Variants in DLG2 observed in about 807,000 individuals in gnomAD.
The protein encoded by DLG2 is disks large homolog 2.
A neutral mutation model predicts 132.5 loss-of-function variants in DLG2; 45 were observed. The observed-to-expected ratio is 0.34, with a 90% CI of 0.27 to 0.44. The LOEUF is 0.44. DLG2 is among the 20% of genes least tolerant of loss of function. The pLI is 1.00. For synonymous variants in DLG2, 424 were observed against 419.6 expected, an observed-to-expected ratio of 1.01 and a Z score of -0.13; for missense variants, 1,045 against 1,196.9, an observed-to-expected ratio of 0.87 and a Z score of 1.87.
chr11:85,489,900 A>G (rs1288431335), intron 3 of DLG2, among the ~76,000 whole-genome samples: 5 of 152,142 alleles, frequency 3.3e-5, no homozygotes, highest in Non-Finnish European at 5.9e-5. Flanking sequence ...ATGAGTAAAT[A>G]AAAATAAAAA....
rs1451048209 is a variant in DLG2 at position 83,823,967 on chromosome 11, A to G, written c.1722+9647T>C. ...ATTCAATTCTTTGGTGAAGGCCTGC[A>G]TCGCAGAAAGAGCATAGCTTTGAAA... is the stretch of plus-strand genomic sequence containing the variant. On this transcript the variant is annotated intron_variant, in intron 17 of 27. Coordinates refer to ENST00000376104, the MANE Select transcript of DLG2 (RefSeq NM_001142699.3). 3.3e-5 allele frequency among the ~76,000 whole-genome samples: 5 copies of G among 152,320 alleles called. No homozygotes were observed. In the East Asian group the frequency reaches 9.6e-4, roughly 29 times the overall value.
intron 8 of DLG2, among the ~76,000 whole-genome samples, chr11:84,203,705 T>G (rs2096628142): frequency 6.6e-6 from 1 of 151,914 alleles, no homozygotes; most frequent in Non-Finnish European, 1.5e-5. Flanking sequence ...ATATTCTCAC[T>G]TATAAGTGGG....
chr11:85,141,285 A>T (rs1451501070), intron 5 of DLG2, among the ~76,000 whole-genome samples: 1 of 151,728 alleles, frequency 6.6e-6, no homozygotes, highest in Non-Finnish European at 1.5e-5. Flanking sequence ...ATGATACCCC[A>T]CTGTTGTTTT....
intron 6 of DLG2, among the ~76,000 whole-genome samples, chr11:84,841,313 T>G (rs1389018719): frequency 6.6e-6 from 1 of 151,934 alleles, no homozygotes; most frequent in Non-Finnish European, 1.5e-5. Context: ...GAAAGTTGGG[T>G]TGTGAAAGAA....
chr11:84,634,379 C>G (rs1015835057), intron 6 of DLG2, among the ~76,000 whole-genome samples: 2 of 152,168 alleles, frequency 1.3e-5, no homozygotes, highest in Non-Finnish European at 2.9e-5. Flanking sequence ...TAAGTTCATG[C>G]TAAAGATTTC....
At chr11:84,369,111 A>G (rs912656284) in intron 7 of DLG2, among the ~76,000 whole-genome samples, 4 of 152,158 alleles carry the variant, frequency 2.6e-5, no homozygotes, top group African/African-American at 9.6e-5. Context: ...ACATTTTTAT[A>G]CTGCAATATG....
At chr11:84,789,187 C>T (rs560061646) in intron 6 of DLG2, among the ~76,000 whole-genome samples, 8 of 152,246 alleles carry the variant, frequency 5.3e-5, no homozygotes, top group African/African-American at 1.4e-4. Context: ...CATGTTCTGC[C>T]ACTCACTGCC....
intron 6 of DLG2, among the ~76,000 whole-genome samples, chr11:84,661,986 G>A (rs1230382662): frequency 1.3e-5 from 2 of 151,960 alleles, no homozygotes; most frequent in South Asian, 2.1e-4. Context: ...CCCCATGCAT[G>A]TTTTAGCTTT....
chr11:84,132,077 C>A (rs1251679491), intron 9 of DLG2, among the ~76,000 whole-genome samples: 1 of 151,848 alleles, frequency 6.6e-6, no homozygotes, highest in East Asian at 1.9e-4. Flanking sequence ...TGATGTCTCA[C>A]ATGAAGCTTT....
intron 3 of DLG2, among the ~76,000 whole-genome samples, chr11:85,467,007 C>T (rs2092813482): frequency 6.6e-6 from 1 of 152,118 alleles, no homozygotes; most frequent in African/African-American, 2.4e-5. Context: ...TTGTAGTTCT[C>T]CTTGAAGAGG....
intron 8 of DLG2, among the ~76,000 whole-genome samples, chr11:84,193,989 T>C (rs2096464487): frequency 6.6e-6 from 1 of 152,172 alleles, no homozygotes; most frequent in African/African-American, 2.4e-5. Context: ...GCTGAGTGGA[T>C]TAATGGCCAA....
chr11:84,802,225 T>C (rs565420271), intron 6 of DLG2, among the ~76,000 whole-genome samples: 3 of 152,098 alleles, frequency 2.0e-5, no homozygotes, highest in East Asian at 1.9e-4. Flanking sequence ...TCTGTGTCCA[T>C]AGGGTCCTCA....
At chr11:85,127,721 A>C (rs180852571) in intron 5 of DLG2, among the ~76,000 whole-genome samples, 40 of 152,338 alleles carry the variant, frequency 2.6e-4, no homozygotes, top group Non-Finnish European at 2.9e-5. Context: ...ACCACTCAGG[A>C]AACCATTTGT....
intron 26 of DLG2, among the ~76,000 whole-genome samples, chr11:83,463,277 T>C (rs1035053424): frequency 7.2e-5 from 11 of 152,140 alleles, no homozygotes; most frequent in African/African-American, 2.4e-4. Context: ...AACAATATAT[T>C]GACATTAGAC....
chr11:83,460,746 C>T (rs1018066836), intron 27 of DLG2, among the ~76,000 whole-genome samples: 7 of 152,080 alleles, frequency 4.6e-5, no homozygotes, highest in African/African-American at 7.2e-5. Flanking sequence ...AAAAACAATC[C>T]TCAGAATATA....
intron 15 of DLG2, among the ~76,000 whole-genome samples, chr11:83,910,668 T>A (rs529929358): frequency 1.3e-5 from 2 of 152,112 alleles, no homozygotes; most frequent in Non-Finnish European, 2.9e-5. Context: ...TCCAAGAATA[T>A]GTACAATTAT....
intron 9 of DLG2, among the ~76,000 whole-genome samples, chr11:84,108,583 A>C (rs559953811): frequency 6.6e-6 from 1 of 152,240 alleles, no homozygotes; most frequent in South Asian, 2.1e-4. Flanking sequence ...TCAAGAAACT[A>C]AATTGAGACC....
Position 83,651,054 on chromosome 11 carries a change from C to T in DLG2, c.1826-17729G>A, listed in dbSNP as rs185217021. On this transcript the variant is annotated intron_variant, in intron 18 of 27. Transcript: ENST00000376104. ...TATATATTCATTTTTGCATTTATGA[C>T]ATATCTTTTATGTTTATTATACCTG... Among the ~76,000 whole-genome samples the T allele has an allele frequency of 1.9e-3, 289 of 152,168 alleles. 3 individuals carry two copies. Among genetic ancestry groups the T allele is most frequent in the Admixed American group, 4.5e-3 (69 of 15,270 alleles).
At chr11:84,400,163 G>A (rs755029100) in intron 7 of DLG2, among the ~76,000 whole-genome samples, 1 of 152,284 alleles carries the variant, frequency 6.6e-6, no homozygotes, top group East Asian at 1.9e-4. Context: ...CCCCAGTTAG[G>A]AGAGTAAGAT....
Sources: allele counts gnomAD v4.1 joint callset (sites outside exome capture counted in the v4.1 genomes callset), GRCh38; gene constraint gnomAD v4.1.1; transcripts MANE v1.5; gene names NCBI Gene and HGNC (gene_info 2026-07-23, HGNC 2026-07-21).